ABCC1: variants seen among roughly 807,000 people sequenced by gnomAD.
The protein encoded by ABCC1 is multidrug resistance-associated protein 1.
ABCC1 carries 83 observed loss-of-function variants against 172.9 expected under a neutral mutation model. The observed-to-expected ratio is 0.48, with a 90% CI of 0.40 to 0.58. The LOEUF is 0.58. ABCC1 is among the 20% of genes least tolerant of loss of function. ABCC1 has a pLI of 0.00. For missense variants in ABCC1, 1,817 were observed against 2,002.7 expected (o/e 0.91, Z 1.77); for synonymous variants, 937 against 825.2 (o/e 1.14, Z -2.32).
rs1596569337 is a variant in ABCC1 at position 16,142,379 on chromosome 16, A to T, written c.*1098A>T. On this transcript the variant is annotated 3_prime_UTR_variant, in exon 31 of 31. Transcript: ENST00000399410. Reference sequence around the variant, plus strand: ...TCTTTCCCTCTCATGGTACCTGCTCATGGTTATGAAGCTTTCAAAGTAAAG... The same window carrying T: ...TCTTTCCCTCTCATGGTACCTGCTCTTGGTTATGAAGCTTTCAAAGTAAAG... 4 of 152,170 alleles carry T rather than the reference A, an allele frequency of 2.6e-5. No individual in the cohort carries two copies. Among genetic ancestry groups the T allele is most frequent in the Admixed American group, 2.6e-4 (4 of 15,284 alleles). The allele number at this position is 152,170 out of a possible 1,614,324, so 9.4% of individuals were successfully genotyped here.
chr16:16,114,809 G>T lies in ABCC1; in HGVS notation c.3123G>T (p.Gly1041=), dbSNP rs535391225. 1 of 1,608,770 alleles carries T rather than the reference G, an allele frequency of 6.2e-7. No homozygotes were observed. The highest frequency in any genetic ancestry group is 1.7e-5 in the Admixed American group (1 of 59,910). The change falls in exon 23 of 31, where the codon GGG becomes GGT. Residue 1041 remains glycine (G), a synonymous_variant. Coordinates refer to ENST00000399410, the MANE Select transcript of ABCC1 (RefSeq NM_004996.4). The stretch of plus-strand genomic sequence containing the variant: ...ACTCCATGGCCGTGTCCATCGGGGG[G>T]ATCTTGGCTTCCCGCTGTCTGCACG... ...FGYSMAVSIG[G]ILASRCLHVD... is the part of the protein sequence containing the mutation.
At chr16:16,070,709 A>G (rs1334085674) in intron 13 of ABCC1, among the ~76,000 whole-genome samples, 3 of 152,106 alleles carry the variant, frequency 2.0e-5, no homozygotes, top group Non-Finnish European at 4.4e-5. Context: ...CAGTTGATTT[A>G]TCTCATTCTT....
chr16:16,052,376 G>A (rs369086866), intron 10 of ABCC1, among the ~76,000 whole-genome samples: 1 of 151,658 alleles, frequency 6.6e-6, no homozygotes, highest in Admixed American at 6.6e-5. Flanking sequence ...GAGGATCACT[G>A]ATGCAAATAG....
At chr16:16,103,685 G>A (rs942431775) in intron 20 of ABCC1, among the ~76,000 whole-genome samples, 1 of 152,230 alleles carries the variant, frequency 6.6e-6, no homozygotes, top group Admixed American at 6.5e-5. Context: ...GGAGATCTGA[G>A]AAAGGATCCC....
chr16:16,016,654 G>A (rs779893378), intron 5 of ABCC1, 33 bp downstream of exon 5: 1 of 1,613,038 alleles, frequency 6.2e-7, no homozygotes, highest in African/African-American at 1.3e-5. Context: ...GTGTGTGCGT[G>A]TGTGTGTGAG....
rs1462125513 is a variant in ABCC1, at chr16:16,044,590, T to C, written c.950T>C (p.Leu317Ser). 2 of 1,614,172 alleles carry C rather than the reference T, an allele frequency of 1.2e-6. No individual in the cohort carries two copies. The highest frequency in any genetic ancestry group is 1.7e-6 in the Non-Finnish European group (2 of 1,180,038). ...KEWNPSLFKV[L>S]YKTFGPYFLM... ...TGGAACCCCTCTCTGTTTAAGGTGTTATACAAGACCTTTGGGCCCTACTTC... is the reference window on the plus strand; with the variant it reads ...TGGAACCCCTCTCTGTTTAAGGTGTCATACAAGACCTTTGGGCCCTACTTC... Residue 317 changes from leucine (L) to serine (S), a missense_variant, in exon 8 of 31, where the codon TTA (leucine) becomes TCA (serine). Coordinates refer to ENST00000399410, the MANE Select transcript of ABCC1 (RefSeq NM_004996.4).
chr16:16,031,074 C>T (rs1168162064), intron 5 of ABCC1, among the ~76,000 whole-genome samples: 1 of 152,140 alleles, frequency 6.6e-6, no homozygotes, highest in African/African-American at 2.4e-5. Flanking sequence ...GTCTCGAACT[C>T]CTGACCACAA....
intron 1 of ABCC1, among the ~76,000 whole-genome samples, chr16:15,978,349 CAG>C (rs2046538929): frequency 6.6e-6 from 1 of 152,082 alleles, no homozygotes; most frequent in Admixed American, 6.5e-5. Context: ...GCCTGGGCAA[CAG>C]AGTGAAACCC....
chr16:16,131,979 C>T lies in ABCC1; in HGVS notation c.3966+44C>T, dbSNP rs778197440. On this transcript the variant is annotated intron_variant, in intron 27 of 30. Transcript: ENST00000399410. ...ATTCCCTCACCCATTCCCAGTCGGG[C>T]ACAGGGTGCCATCGGGCAGGTGAAC... 7.5e-6 allele frequency: 12 copies of T among 1,592,854 alleles called. No homozygotes were observed. In the South Asian group the frequency reaches 7.8e-5, roughly 10 times the overall value.
chr16:16,073,907 G>A (rs2050451383), intron 14 of ABCC1, among the ~76,000 whole-genome samples: 1 of 152,180 alleles, frequency 6.6e-6, no homozygotes, highest in African/African-American at 2.4e-5. Context: ...CGGTTATACC[G>A]CGTGAGCTGT....
intron 9 of ABCC1, among the ~76,000 whole-genome samples, chr16:16,047,115 T>C (rs1455351321): frequency 6.6e-6 from 1 of 152,074 alleles, no homozygotes; most frequent in East Asian, 1.9e-4. Flanking sequence ...AAAGAATCAC[T>C]TCAGCCCCGG....
At chr16:16,070,754 A>G (rs1181143135) in intron 13 of ABCC1, among the ~76,000 whole-genome samples, 1 of 151,998 alleles carries the variant, frequency 6.6e-6, no homozygotes, top group Admixed American at 6.6e-5. Context: ...CTTTCCCTTC[A>G]TTTGTTTTTA....
chr16:15,996,375 C>T (rs187046814), intron 1 of ABCC1, among the ~76,000 whole-genome samples: 1 of 152,330 alleles, frequency 6.6e-6, no homozygotes, highest in Admixed American at 6.5e-5. Context: ...CCTCCTGCCT[C>T]TGCCTCTTCA....
intron 7 of ABCC1, among the ~76,000 whole-genome samples, chr16:16,037,940 G>A (rs953239391): frequency 1.3e-5 from 2 of 152,184 alleles, no homozygotes; most frequent in Admixed American, 6.6e-5. Flanking sequence ...CTGTGACTGA[G>A]CATTGTAAGG....
At chr16:16,106,709 G>T (rs771460702) in intron 20 of ABCC1, 29 bp from the exon 21 acceptor site, 12 of 1,613,488 alleles carry the variant, frequency 7.4e-6, no homozygotes, top group Non-Finnish European at 9.3e-6. Context: ...CATCTGTACG[G>T]TTGACACCCT....
At chr16:16,081,706 C>T (rs1293405855) in intron 16 of ABCC1, among the ~76,000 whole-genome samples, 1 of 152,090 alleles carries the variant, frequency 6.6e-6, no homozygotes, top group Non-Finnish European at 1.5e-5. Flanking sequence ...CAGCTTTGCC[C>T]TCTCTAGAAT....
intron 21 of ABCC1, among the ~76,000 whole-genome samples, chr16:16,109,526 A>G (rs992384295): frequency 1.4e-4 from 21 of 152,282 alleles, no homozygotes; most frequent in East Asian, 1.3e-3. Flanking sequence ...TGAAATGACA[A>G]TGAGCACAGA....
intron 7 of ABCC1, among the ~76,000 whole-genome samples, chr16:16,044,246 C>G (rs1274563267): frequency 6.6e-6 from 1 of 152,210 alleles, no homozygotes; most frequent in African/African-American, 2.4e-5. Context: ...GGCCAGTGGC[C>G]AAGCCAGACC....
intron 20 of ABCC1, among the ~76,000 whole-genome samples, chr16:16,104,908 C>G (rs1393586309): frequency 6.6e-6 from 1 of 152,184 alleles, no homozygotes; most frequent in African/African-American, 2.4e-5. Flanking sequence ...GCGGGGCTGC[C>G]CGGCAGCTCT....
Sources: allele counts gnomAD v4.1 joint callset (sites outside exome capture counted in the v4.1 genomes callset), GRCh38; gene constraint gnomAD v4.1.1; transcripts MANE v1.5; gene names NCBI Gene and HGNC (gene_info 2026-07-23, HGNC 2026-07-21).